PLA2G4E: variants seen among roughly 807,000 people sequenced by gnomAD.
PLA2G4E encodes the protein cytosolic phospholipase A2 epsilon.
A neutral mutation model predicts 109.1 loss-of-function variants in PLA2G4E; 84 were observed. That is an observed-to-expected ratio of 0.77 (90% confidence interval 0.65 to 0.92). PLA2G4E has a LOEUF of 0.92. Among genes scored for constraint, PLA2G4E ranks in the 40% least tolerant of loss-of-function variants. PLA2G4E has a pLI of 0.00. For synonymous variants in PLA2G4E, 469 were observed against 436.1 expected, an observed-to-expected ratio of 1.08 and a Z score of -0.94; for missense variants, 1,057 against 1,076.6, an observed-to-expected ratio of 0.98 and a Z score of 0.25.
chr15:42,042,850 T>C (rs1889339519), intron 1 of PLA2G4E, among the ~76,000 whole-genome samples: 1 of 152,116 alleles, frequency 6.6e-6, no homozygotes, highest in African/African-American at 2.4e-5. Flanking sequence ...AAGCAGATAC[T>C]GGAGCCCAGG....
intron 10 of PLA2G4E, chr15:41,998,810 T>C (rs1331327371): frequency 6.6e-6 from 1 of 152,238 alleles, no homozygotes; most frequent in Admixed American, 6.5e-5. Context: ...TCCCAGCACT[T>C]TGGGAAGCCG....
chr15:42,038,218 C>T (rs1889251150), intron 1 of PLA2G4E, among the ~76,000 whole-genome samples: 2 of 152,106 alleles, frequency 1.3e-5, no homozygotes, highest in Admixed American at 6.5e-5. Context: ...TATCTTAGAT[C>T]AGTGGTCCCC....
chr15:42,000,268 C>G, exon 8 of PLA2G4E: 3 of 1,569,854 alleles, frequency 1.9e-6, no homozygotes, highest in Non-Finnish European at 2.6e-6. Context: ...TTCACCATCA[C>G]CAGGAGGTCC....
At position 42,000,338 on chromosome 15, in the gene PLA2G4E, ACTTGGTCCAG is replaced by A; in HGVS notation, c.674-66_674-57del. ...GGGAGCCTCTCACTACCCACCTGCA[ACTTGGTCCAG>A]CAAAAAACCTATTTGGAGGTATCCA... On this transcript the variant is annotated intron_variant, in intron 7 of 19. Coordinates refer to ENST00000399518, the Ensembl canonical transcript of PLA2G4E. 2.7e-6 allele frequency: 4 copies of A among 1,474,508 alleles called. No individual in the cohort carries two copies. In the Admixed American group the frequency reaches 6.6e-5, roughly 24 times the overall value. The allele number at this position is 1,474,508 out of a possible 1,614,324, so 91.3% of individuals were successfully genotyped here.
At chr15:42,001,117 C>G in intron 7 of PLA2G4E, 40 bp downstream of exon 7, 2 of 1,568,842 alleles carry the variant, frequency 1.3e-6, no homozygotes, top group Middle Eastern at 1.7e-4. Context: ...AAGCAGCTCC[C>G]CCTTGTCCCC....
At chr15:42,001,288 A>T in intron 6 of PLA2G4E, 68 bp from the exon 7 acceptor site, 13 of 1,380,574 alleles carry the variant, frequency 9.4e-6, no homozygotes, top group African/African-American at 1.4e-5. Flanking sequence ...TCCAGGCTGA[A>T]GGGAGATGAG....
At chr15:42,014,914 C>A (rs995957873) in intron 1 of PLA2G4E, among the ~76,000 whole-genome samples, 1 of 152,152 alleles carries the variant, frequency 6.6e-6, no homozygotes, top group African/African-American at 2.4e-5. Context: ...GGACCAGAGC[C>A]CTGAGGTGTC....
At chr15:42,030,871 T>C (rs1298102684) in intron 1 of PLA2G4E, among the ~76,000 whole-genome samples, 1 of 152,282 alleles carries the variant, frequency 6.6e-6, no homozygotes, top group African/African-American at 2.4e-5. Flanking sequence ...GGTTTTTGTG[T>C]GTAACAAGAG....
intron 1 of PLA2G4E, among the ~76,000 whole-genome samples, chr15:42,034,763 A>T (rs1269207520): frequency 6.6e-6 from 1 of 152,244 alleles, no homozygotes; most frequent in Non-Finnish European, 1.5e-5. Flanking sequence ...AGCCTTAAAA[A>T]GTTGAGAGAA....
intron 17 of PLA2G4E, among the ~76,000 whole-genome samples, chr15:41,986,408 C>A (rs979616439): frequency 1.3e-5 from 2 of 152,134 alleles, no homozygotes; most frequent in African/African-American, 4.8e-5. Flanking sequence ...GCAGAGGAGG[C>A]GGCACTGAGC....
At chr15:41,993,070 G>T in intron 12 of PLA2G4E, 111 bp from the exon 13 acceptor site, 2 of 922,236 alleles carry the variant, frequency 2.2e-6, no homozygotes, top group South Asian at 1.7e-5. Flanking sequence ...AACCTGCCAG[G>T]AGGGGAACCT....
chr15:42,005,459 C>T (rs182990945), intron 4 of PLA2G4E, among the ~76,000 whole-genome samples: 42 of 152,330 alleles, frequency 2.8e-4, no homozygotes, highest in African/African-American at 9.6e-4. Flanking sequence ...GGCAGGGATG[C>T]TAGTTCCCAA....
chr15:41,997,226 G>C (rs746166206), exon 11 of PLA2G4E: 1 of 1,550,054 alleles, frequency 6.5e-7, no homozygotes, highest in South Asian at 1.2e-5. Flanking sequence ...CTGGGCACAG[G>C]CTGAAGCCCA....
At chr15:42,021,938 C>G (rs1445497964) in intron 1 of PLA2G4E, among the ~76,000 whole-genome samples, 2 of 152,208 alleles carry the variant, frequency 1.3e-5, no homozygotes, top group African/African-American at 4.8e-5. Context: ...TTGGAGGTAC[C>G]TGTGGGAACT....
chr15:42,010,132 G>GCCCCGC (rs2068518773), intron 2 of PLA2G4E: 2 of 417,170 alleles, frequency 4.8e-6, no homozygotes, highest in South Asian at 4.0e-5. Context: ...CAGAACACTG[G>GCCCCGC]CCCCCCCACC....
At chr15:41,994,284 G>T (rs1385442041) in intron 12 of PLA2G4E, among the ~76,000 whole-genome samples, 1 of 119,744 alleles carries the variant, frequency 8.4e-6, no homozygotes, top group Non-Finnish European at 1.8e-5. Flanking sequence ...GTCTCACCTG[G>T]GCTGGCGCCT....
intron 2 of PLA2G4E, chr15:42,009,074 G>C (rs1444538449): frequency 6.6e-6 from 1 of 152,158 alleles, no homozygotes; most frequent in Non-Finnish European, 1.5e-5. Context: ...TCATCATCCA[G>C]TGAATTGGAA....
chr15:42,001,364 C>T (rs1303769353), intron 6 of PLA2G4E, 144 bp from the exon 7 acceptor site: 2 of 756,916 alleles, frequency 2.6e-6, no homozygotes, highest in Non-Finnish European at 4.4e-6. Flanking sequence ...AATGTGTTGA[C>T]CACATTTTCT....
At chr15:42,033,002 G>A (rs1372356605) in intron 1 of PLA2G4E, among the ~76,000 whole-genome samples, 2 of 152,136 alleles carry the variant, frequency 1.3e-5, no homozygotes, top group Non-Finnish European at 2.9e-5. Flanking sequence ...GAACAGGTAT[G>A]TATGTGAGTA....
Sources: allele counts gnomAD v4.1 joint callset (sites outside exome capture counted in the v4.1 genomes callset), GRCh38; gene constraint gnomAD v4.1.1; transcripts MANE v1.5; gene names NCBI Gene and HGNC (gene_info 2026-07-23, HGNC 2026-07-21).